The following MBOAT2 variants were observed in gnomAD, a reference collection of about 807,000 sequenced individuals.
MBOAT2 encodes membrane-bound glycerophospholipid O-acyltransferase 2.
MBOAT2 carries 28 observed loss-of-function variants against 63.4 expected under a neutral mutation model. That is an observed-to-expected ratio of 0.44 (90% CI 0.33 to 0.61). The LOEUF is 0.61. Among genes scored for constraint, MBOAT2 ranks in the 20% least tolerant of loss-of-function variants. The pLI is 0.03. For missense variants in MBOAT2, 470 were observed against 605.8 expected, an observed-to-expected ratio of 0.78 and a Z score of 2.35; for synonymous variants, 211 against 215.6, an observed-to-expected ratio of 0.98 and a Z score of 0.19.
chr2:8,929,338 A>AT (rs1245776834), intron 3 of MBOAT2, among the ~76,000 whole-genome samples: 21 of 146,866 alleles, frequency 1.4e-4, no homozygotes, highest in Admixed American at 1.4e-3. Flanking sequence ...TTGTTCATTC[A>AT]TTCATTCATT....
chr2:8,960,973 G>A (rs1427268506), intron 1 of MBOAT2, among the ~76,000 whole-genome samples: 3 of 152,202 alleles, frequency 2.0e-5, no homozygotes, highest in Non-Finnish European at 4.4e-5. Context: ...TGGGAGATGA[G>A]GCTGGAAGCA....
chr2:8,933,737 T>C (rs184665753), intron 3 of MBOAT2, among the ~76,000 whole-genome samples: 188 of 152,298 alleles, frequency 1.2e-3, no homozygotes, highest in African/African-American at 4.0e-3. Flanking sequence ...CTATGAGCAA[T>C]CTACGTGAAC....
At position 8,873,232 on chromosome 2, in the gene MBOAT2, T is replaced by A. The variant is rs1289332005; in HGVS notation, c.759A>T (p.Thr253=). 3 of 1,614,218 alleles carry A rather than the reference T, an allele frequency of 1.9e-6. No homozygotes were observed. The Admixed American group carries it at 5.0e-5, about 27-fold the overall frequency. The part of the protein sequence containing the change: ...SLLFHLTICT[T]LPVEYNIDEH... ...CATCAATGTTGTACTCCACAGGTAA[T>A]GTTGTACAGATGGTCAAGTGAAATA... The change falls in exon 8 of 13, where the codon ACA becomes ACT. Residue 253 remains threonine (T), a synonymous_variant. Transcript: ENST00000305997.
chr2:8,901,446 C>T (rs1007179410), intron 4 of MBOAT2, among the ~76,000 whole-genome samples: 4 of 152,118 alleles, frequency 2.6e-5, no homozygotes, highest in African/African-American at 9.7e-5. Flanking sequence ...GACACATTCT[C>T]AAAAACCTGT....
intron 4 of MBOAT2, among the ~76,000 whole-genome samples, chr2:8,894,019 G>A (rs1233526252): frequency 1.3e-5 from 2 of 151,952 alleles, no homozygotes; most frequent in African/African-American, 4.8e-5. Context: ...TGTTACATAG[G>A]TATACATGTG....
At chr2:8,981,671 A>G (rs1262834970) in intron 1 of MBOAT2, among the ~76,000 whole-genome samples, 1 of 152,036 alleles carries the variant, frequency 6.6e-6, no homozygotes, top group East Asian at 1.9e-4. Context: ...CAGTGGGATA[A>G]AGAGGGAGGG....
chr2:8,954,726 C>G (rs1359235310), intron 2 of MBOAT2, among the ~76,000 whole-genome samples: 1 of 152,158 alleles, frequency 6.6e-6, no homozygotes, highest in South Asian at 2.1e-4. Flanking sequence ...CAAGCAGATG[C>G]TCTGAATGCC....
intron 3 of MBOAT2, among the ~76,000 whole-genome samples, chr2:8,915,317 A>C (rs1262339745): frequency 6.6e-6 from 1 of 152,072 alleles, no homozygotes; most frequent in Non-Finnish European, 1.5e-5. Flanking sequence ...AAAAAAGGAA[A>C]ACGGACCCAG....
chr2:8,995,794 T>C (rs1445194394), intron 1 of MBOAT2, among the ~76,000 whole-genome samples: 1 of 152,094 alleles, frequency 6.6e-6, no homozygotes, highest in Non-Finnish European at 1.5e-5. Context: ...GGTTTCACCG[T>C]GTTAGCCAGA....
At chr2:8,911,089 C>T (rs1665679017) in intron 3 of MBOAT2, among the ~76,000 whole-genome samples, 1 of 152,186 alleles carries the variant, frequency 6.6e-6, no homozygotes, top group South Asian at 2.1e-4. Context: ...AAGCGCCTTA[C>T]AGTCCAATCA....
chr2:8,869,465 G>A (rs1443913851), intron 8 of MBOAT2, among the ~76,000 whole-genome samples: 1 of 152,050 alleles, frequency 6.6e-6, no homozygotes, highest in East Asian at 1.9e-4. Context: ...CAATCAACTG[G>A]AAAATTGTTC....
At position 8,852,746 on chromosome 2, in the gene MBOAT2, C is replaced by A. The variant is rs1466867767; in HGVS notation, c.*5933G>T. 1.3e-5 allele frequency: 2 copies of A among 151,238 alleles called. No homozygotes were observed. The highest frequency in any genetic ancestry group is 4.9e-5 in the African/African-American group (2 of 41,044). The allele number at this position is 151,238 out of a possible 1,614,324, so 9.4% of individuals were successfully genotyped here. The stretch of plus-strand genomic sequence containing the variant: ...AGACACACAAATTAGAAAAAAAAAA[C>A]ATGTCCTAAACATGTTACATGTAAG... On this transcript the variant is annotated 3_prime_UTR_variant, in exon 13 of 13. Transcript: ENST00000305997.
chr2:8,965,910 A>G (rs1241586396), intron 1 of MBOAT2, among the ~76,000 whole-genome samples: 1 of 152,244 alleles, frequency 6.6e-6, no homozygotes, highest in Non-Finnish European at 1.5e-5. Context: ...TTAAATTTCA[A>G]TATAGCGCAA....
At chr2:8,991,193 T>A (rs974214103) in intron 1 of MBOAT2, among the ~76,000 whole-genome samples, 1 of 152,154 alleles carries the variant, frequency 6.6e-6, no homozygotes, top group Non-Finnish European at 1.5e-5. Flanking sequence ...AAAATCAATA[T>A]ACACTTTCTA....
At chr2:8,922,550 A>G (rs967701636) in intron 3 of MBOAT2, among the ~76,000 whole-genome samples, 1 of 152,256 alleles carries the variant, frequency 6.6e-6, no homozygotes, top group Non-Finnish European at 1.5e-5. Context: ...GTCTCTACTC[A>G]GTTTTTTAAA....
chr2:8,990,063 C>T (rs1323431273), intron 1 of MBOAT2, among the ~76,000 whole-genome samples: 1 of 152,178 alleles, frequency 6.6e-6, no homozygotes, highest in African/African-American at 2.4e-5. Flanking sequence ...GTATGAAACA[C>T]GTTTGTTTTT....
chr2:8,945,754 G>A (rs1467379734), intron 2 of MBOAT2, among the ~76,000 whole-genome samples: 1 of 151,892 alleles, frequency 6.6e-6, no homozygotes, highest in Non-Finnish European at 1.5e-5. Flanking sequence ...CAAAACGTTA[G>A]TTTGTTTTCA....
chr2:8,894,709 C>G (rs946956526), intron 4 of MBOAT2, among the ~76,000 whole-genome samples: 1 of 152,256 alleles, frequency 6.6e-6, no homozygotes, highest in East Asian at 1.9e-4. Context: ...CAGACCCTCA[C>G]GGTGACAGTT....
At chr2:8,940,831 C>A (rs1476714821) in intron 3 of MBOAT2, among the ~76,000 whole-genome samples, 1 of 152,054 alleles carries the variant, frequency 6.6e-6, no homozygotes, top group Non-Finnish European at 1.5e-5. Context: ...CTGTTCAGTA[C>A]ACAGATAAAT....
Sources: gnomAD v4.1 joint callset for allele counts (sites outside exome capture counted in the v4.1 genomes callset) on GRCh38, gnomAD v4.1.1 for gene constraint, MANE v1.5 for transcripts, NCBI Gene and HGNC (gene_info 2026-07-23, HGNC 2026-07-21) for gene names.